The following LINGO1 variants were observed in gnomAD, a reference collection of about 807,000 sequenced individuals.
The protein encoded by LINGO1 is leucine-rich repeat and immunoglobulin-like domain-containing nogo receptor-interacting protein 1.
A neutral mutation model predicts 37.3 loss-of-function variants in LINGO1; 11 were observed. That is an observed-to-expected ratio of 0.29 (90% CI 0.19 to 0.49). LINGO1 has a LOEUF of 0.49. Among genes scored for constraint, LINGO1 ranks in the 20% least tolerant of loss-of-function variants. The pLI, the probability that LINGO1 is intolerant of heterozygous loss-of-function variation, is 0.99. For synonymous variants in LINGO1, 387 were observed against 403.0 expected (o/e 0.96, Z 0.48); for missense variants, 585 against 878.2 (o/e 0.67, Z 4.22).
chr15:77,664,429 G>A (rs1329540754), intron 3 of LINGO1, among the ~76,000 whole-genome samples: 3 of 152,016 alleles, frequency 2.0e-5, no homozygotes, highest in Non-Finnish European at 4.4e-5. Flanking sequence ...GGGGGTCATG[G>A]CCAAGCCCTG....
At chr15:77,802,497 A>G (rs548677238) in intron 1 of LINGO1, among the ~76,000 whole-genome samples, 46 of 152,178 alleles carry the variant, frequency 3.0e-4, no homozygotes, top group East Asian at 2.1e-3. Flanking sequence ...GCAGGTGGCA[A>G]ACTGCAGAGA....
At chr15:77,685,356 G>T (rs1257099092) in intron 2 of LINGO1, among the ~76,000 whole-genome samples, 1 of 152,074 alleles carries the variant, frequency 6.6e-6, no homozygotes, top group Non-Finnish European at 1.5e-5. Context: ...CTCACCTGTG[G>T]ACCAATAACC....
intron 3 of LINGO1, among the ~76,000 whole-genome samples, chr15:77,650,188 C>T (rs2074728316): frequency 6.6e-6 from 1 of 152,154 alleles, no homozygotes; most frequent in South Asian, 2.1e-4. Context: ...TTGATGTTTA[C>T]GGCGTGGTGT....
At position 77,615,729 on chromosome 15, in the gene LINGO1, T is replaced by G; in HGVS notation, c.178A>C (p.Lys60Gln). 6.3e-7 allele frequency: 1 copy of G among 1,595,440 alleles called. No individual in the cohort carries two copies. Among genetic ancestry groups the G allele is most frequent in the Non-Finnish European group, 8.5e-7 (1 of 1,173,122 alleles). Residue 60 changes from lysine (K) to glutamine (Q), a missense_variant, in exon 2 of 2, where the codon AAG becomes CAG. This residue lies in a region of LINGO1 where 484 missense variants were observed against 735.0 expected (regional missense o/e 0.66). Coordinates refer to ENST00000355300, the MANE Select transcript of LINGO1 (RefSeq NM_032808.7). ...AQDRAVLCHRKRFVAVPEGIP... is the reference protein window; with the variant it reads ...AQDRAVLCHRQRFVAVPEGIP... ...CCCTCGGGGACTGCCACAAAGCGCT[T>G]GCGGTGGCACAGCACAGCGCGGTCC...
chr15:77,777,754 T>G (rs1291739691), intron 1 of LINGO1, among the ~76,000 whole-genome samples: 1 of 151,794 alleles, frequency 6.6e-6, no homozygotes, highest in African/African-American at 2.4e-5. Flanking sequence ...AGACCCCATC[T>G]CTCCAAAAAG....
chr15:77,758,238 T>C (rs921738062), intron 1 of LINGO1, among the ~76,000 whole-genome samples: 6 of 152,096 alleles, frequency 3.9e-5, no homozygotes, highest in Non-Finnish European at 5.9e-5. Flanking sequence ...CCACCATGCA[T>C]CTGGGCCTGT....
intron 1 of LINGO1, among the ~76,000 whole-genome samples, chr15:77,799,311 T>C (rs2076898282): frequency 1.3e-5 from 2 of 152,214 alleles, no homozygotes; most frequent in East Asian, 3.9e-4. Context: ...GGCCAGGGAC[T>C]GCAGGAGCCC....
intron 2 of LINGO1, among the ~76,000 whole-genome samples, chr15:77,701,948 G>A (rs1478624669): frequency 2.0e-5 from 3 of 152,188 alleles, no homozygotes; most frequent in African/African-American, 7.2e-5. Flanking sequence ...AGGAGTTTGG[G>A]GGTGTGGTTT....
chr15:77,776,060 G>A (rs1459808947), intron 1 of LINGO1, among the ~76,000 whole-genome samples: 1 of 152,010 alleles, frequency 6.6e-6, no homozygotes, highest in African/African-American at 2.4e-5. Context: ...GCCTGTGGCC[G>A]CCACCACCAC....
intron 3 of LINGO1, among the ~76,000 whole-genome samples, chr15:77,669,145 C>T (rs1207455027): frequency 6.6e-6 from 1 of 152,268 alleles, no homozygotes; most frequent in Non-Finnish European, 1.5e-5. Context: ...CGCCACTGGG[C>T]CTCTGCCTCT....
At chr15:77,734,076 CCCTGCCCTGGG>C (rs1420605876) in intron 2 of LINGO1, among the ~76,000 whole-genome samples, 2 of 152,188 alleles carry the variant, frequency 1.3e-5, no homozygotes, top group Non-Finnish European at 2.9e-5. Context: ...CTCAGTTAAC[CCCTGCCCTGGG>C]CCGTGCGGCA....
chr15:77,615,688 C>G lies in LINGO1; in HGVS notation c.219G>C (p.Thr73=), dbSNP rs377075770. 6.2e-7 allele frequency: 1 copy of G among 1,604,760 alleles called. No individual in the cohort carries two copies. Among genetic ancestry groups the G allele is most frequent in the South Asian group, 1.1e-5 (1 of 90,084 alleles). The change falls in exon 2 of 2, where the codon ACG becomes ACC. Residue 73 remains threonine, a synonymous_variant. Transcript: ENST00000355300. ...GGTTCTTGCCTAGGTCCAGCAGGCGCGTCTCGGTGGGGATGCCCTCGGGGA... is the reference window on the plus strand; with the variant it reads ...GGTTCTTGCCTAGGTCCAGCAGGCGGGTCTCGGTGGGGATGCCCTCGGGGA... ...VAVPEGIPTE[T]RLLDLGKNRI... is the part of the protein sequence containing the mutation.
intron 1 of LINGO1, among the ~76,000 whole-genome samples, chr15:77,802,335 T>C (rs2076926571): frequency 6.6e-6 from 1 of 152,056 alleles, no homozygotes; most frequent in Non-Finnish European, 1.5e-5. Context: ...TGTGTGTGTC[T>C]GGAGGGAGAG....
intron 3 of LINGO1, among the ~76,000 whole-genome samples, chr15:77,663,310 C>T (rs546690243): frequency 6.6e-6 from 1 of 152,192 alleles, no homozygotes; most frequent in South Asian, 2.1e-4. Flanking sequence ...TTCCAGGATC[C>T]CTGGGTGGCT....
rs1199703426 is a variant in LINGO1, at chr15:77,632,805, A to C, written c.-490T>G. On this transcript the variant is annotated 5_prime_UTR_variant, in exon 1 of 2. Transcript: ENST00000355300. This position sits in a 1 kb window ranked among gnomAD's most constrained non-coding sequence, Gnocchi z 6.0. ...CGCGCCCTCCGGGGCCGGGACCAGG[A>C]CCCACCGCCGCCGCCGCCGCCTGCG... is the stretch of plus-strand genomic sequence containing the variant. 1.0e-4 allele frequency among the ~76,000 whole-genome samples: 15 copies of C among 144,332 alleles called. No homozygotes were observed. Among genetic ancestry groups the C allele is most frequent in the Non-Finnish European group, 1.5e-5 (1 of 65,296 alleles). The allele number at this position is 144,332 out of a possible 152,430, so 94.7% of individuals were successfully genotyped here. A position where few individuals can be genotyped will look rare whatever the true frequency, so the allele number is the denominator to read the frequency against.
rs1478688676 is a variant in LINGO1 at position 77,632,123 on chromosome 15, G to A, written c.6+187C>T. On this transcript the variant is annotated intron_variant, in intron 1 of 1. Transcript: ENST00000355300. This position sits in a 1 kb window ranked among gnomAD's most constrained non-coding sequence, Gnocchi z 6.0. ...TTTGTTGGGGTTGGAGAGAGGGGAG[G>A]TGGAAAAGGAAGAATTTTCATTTCT... Among the ~76,000 whole-genome samples the A allele has an allele frequency of 6.6e-6, 1 of 152,202 alleles. No individual in the cohort carries two copies. Among genetic ancestry groups the A allele is most frequent in the Non-Finnish European group, 1.5e-5 (1 of 68,014 alleles).
chr15:77,688,470 G>A (rs1369310954), intron 2 of LINGO1, among the ~76,000 whole-genome samples: 1 of 152,174 alleles, frequency 6.6e-6, no homozygotes, highest in Non-Finnish European at 1.5e-5. Flanking sequence ...GAAGAGGGCG[G>A]GCAGCAGAAC....
intron 2 of LINGO1, among the ~76,000 whole-genome samples, chr15:77,717,718 G>A (rs4243048): frequency 0.5 from 74,748 of 150,260 alleles, 21,055 homozygotes; most frequent in Admixed American, 0.63. Flanking sequence ...ACCAAGCCCA[G>A]GCCCGGGCTG....
intron 3 of LINGO1, among the ~76,000 whole-genome samples, chr15:77,645,812 C>T (rs568546024): frequency 1.1e-4 from 17 of 152,374 alleles, no homozygotes; most frequent in African/African-American, 3.8e-4. Flanking sequence ...CTCAAGGCCT[C>T]GCTGGTAATT....
Sources: allele counts gnomAD v4.1 joint callset (sites outside exome capture counted in the v4.1 genomes callset), GRCh38; gene constraint gnomAD v4.1.1; regional missense constraint gnomAD v4.1.1; non-coding constraint Gnocchi (gnomAD v3.1); transcripts MANE v1.5; gene names NCBI Gene and HGNC (gene_info 2026-07-23, HGNC 2026-07-21).